The following CCDC148 variants were observed in gnomAD, a reference collection of about 807,000 sequenced individuals.
The protein encoded by CCDC148 is coiled-coil domain-containing protein 148.
In CCDC148, 89 loss-of-function variants were observed where a neutral mutation model predicts 85.7. That is an observed-to-expected ratio of 1.04 (90% CI 0.87 to 1.24). CCDC148 has a LOEUF of 1.24. Ranked by LOEUF, CCDC148 falls within the 50% of genes most tolerant of loss-of-function variation. The probability of loss-of-function intolerance (pLI) is 0.00; values close to 1 mark genes in which losing one functional copy is unlikely to be tolerated. For synonymous variants in CCDC148, 230 were observed against 213.9 expected (o/e 1.08, Z -0.66); for missense variants, 692 against 671.7 (o/e 1.03, Z -0.33).
intron 2 of CCDC148, among the ~76,000 whole-genome samples, chr2:158,347,910 A>G (rs1433503018): frequency 6.6e-6 from 1 of 152,110 alleles, no homozygotes; most frequent in Non-Finnish European, 1.5e-5. Flanking sequence ...AAATAAAAAG[A>G]AAAAACAACT....
intron 2 of CCDC148, among the ~76,000 whole-genome samples, chr2:158,356,332 C>G (rs1200757446): frequency 1.4e-5 from 2 of 143,696 alleles, no homozygotes; most frequent in Middle Eastern, 3.3e-3. Context: ...ACCTACTCAT[C>G]TGACAAAGGG....
intron 1 of CCDC148, among the ~76,000 whole-genome samples, chr2:158,387,336 C>G (rs1559113581): frequency 6.7e-6 from 1 of 150,106 alleles, no homozygotes; most frequent in Non-Finnish European, 1.5e-5. Flanking sequence ...ACACTGATAT[C>G]TCCAACTGCA....
At chr2:158,374,139 G>C (rs1301146384) in intron 1 of CCDC148, among the ~76,000 whole-genome samples, 1 of 151,992 alleles carries the variant, frequency 6.6e-6, no homozygotes, top group Non-Finnish European at 1.5e-5. Flanking sequence ...AAGTCAAAAT[G>C]GTCAGTAGAT....
intron 9 of CCDC148, among the ~76,000 whole-genome samples, chr2:158,264,274 A>G (rs1234195619): frequency 6.6e-6 from 1 of 152,088 alleles, no homozygotes; most frequent in East Asian, 1.9e-4. Flanking sequence ...ATAGCACAGA[A>G]TCAACAACTG....
intron 1 of CCDC148, among the ~76,000 whole-genome samples, chr2:158,401,656 C>T (rs114083969): frequency 0.011 from 1,687 of 152,026 alleles, 33 homozygotes; most frequent in African/African-American, 0.038. Flanking sequence ...CAAACCTGCA[C>T]ATTGTGCTCA....
At chr2:158,261,929 G>A (rs1277285305) in intron 9 of CCDC148, among the ~76,000 whole-genome samples, 1 of 152,074 alleles carries the variant, frequency 6.6e-6, no homozygotes, top group Non-Finnish European at 1.5e-5. Flanking sequence ...GTGTAAATTA[G>A]TTCAACCATT....
chr2:158,231,598 C>A (rs892886508), intron 10 of CCDC148, among the ~76,000 whole-genome samples: 1 of 152,158 alleles, frequency 6.6e-6, no homozygotes, highest in Non-Finnish European at 1.5e-5. Context: ...CTCCCTCTCC[C>A]TCTCCTCCAG....
At chr2:158,291,787 C>T (rs936436714) in intron 9 of CCDC148, among the ~76,000 whole-genome samples, 1 of 152,132 alleles carries the variant, frequency 6.6e-6, no homozygotes. Flanking sequence ...ATGTCTGGCA[C>T]AAGGTAGGTG....
chr2:158,406,614 T>TTTTTTTTTCTGTTTTTTTTTTTG lies in CCDC148; in HGVS notation c.26-48045_26-48044insCAAAAAAAAAAACAGAAAAAAAA. Among the ~76,000 whole-genome samples the TTTTTTTTTCTGTTTTTTTTTTTG allele has an allele frequency of 1.9e-4, 10 of 52,474 alleles. 1 individual carries two copies. The highest frequency in any genetic ancestry group is 2.6e-4 in the Non-Finnish European group (7 of 27,242). The allele number at this position is 52,474 out of a possible 152,430, so 34.4% of individuals were successfully genotyped here. A position where few individuals can be genotyped will look rare whatever the true frequency, so the allele number is the denominator to read the frequency against. ...CAGCCAGTTAAACAGATTAAATTTCTTTTTTTTTTTTTTTTTTTTTTTTTT... is the reference window on the plus strand; with the variant it reads ...CAGCCAGTTAAACAGATTAAATTTCTTTTTTTTTCTGTTTTTTTTTTTGTTTTTTTTTTTTTTTTTTTTTTTTT... On this transcript the variant is annotated intron_variant, in intron 1 of 13. Transcript: ENST00000283233.
At chr2:158,423,321 C>G (rs1181301598) in intron 1 of CCDC148, among the ~76,000 whole-genome samples, 2 of 152,168 alleles carry the variant, frequency 1.3e-5, no homozygotes, top group African/African-American at 4.8e-5. Context: ...TGCTACCTGA[C>G]TTCAAACTAT....
At chr2:158,255,993 T>C (rs1214168708) in intron 9 of CCDC148, among the ~76,000 whole-genome samples, 1 of 151,766 alleles carries the variant, frequency 6.6e-6, no homozygotes, top group African/African-American at 2.4e-5. Context: ...GTTAGTAGCA[T>C]TACATGTACT....
chr2:158,409,772 T>C (rs1197952587), intron 1 of CCDC148, among the ~76,000 whole-genome samples: 1 of 152,186 alleles, frequency 6.6e-6, no homozygotes, highest in Non-Finnish European at 1.5e-5. Context: ...TGATATGGTT[T>C]GGCTCTGTGT....
intron 9 of CCDC148, among the ~76,000 whole-genome samples, chr2:158,279,092 C>A (rs1690122584): frequency 6.6e-6 from 1 of 152,198 alleles, no homozygotes; most frequent in African/African-American, 2.4e-5. Context: ...GGAAAACTAA[C>A]AAACAGAAAG....
chr2:158,408,454 A>C (rs976362875), intron 1 of CCDC148, among the ~76,000 whole-genome samples: 3 of 152,090 alleles, frequency 2.0e-5, no homozygotes, highest in Admixed American at 6.6e-5. Flanking sequence ...ACTATTTTAA[A>C]TTCCACATAT....
chr2:158,440,417 A>G (rs1312657303), intron 1 of CCDC148, among the ~76,000 whole-genome samples: 1 of 152,090 alleles, frequency 6.6e-6, no homozygotes, highest in Non-Finnish European at 1.5e-5. Context: ...AACTGAAACA[A>G]CTCAAATGCC....
intron 2 of CCDC148, among the ~76,000 whole-genome samples, chr2:158,351,901 C>G (rs953636854): frequency 2.7e-5 from 4 of 149,320 alleles, no homozygotes; most frequent in African/African-American, 7.5e-5. Flanking sequence ...ACTGCCTCCT[C>G]AAGTGGGTCC....
intron 7 of CCDC148, among the ~76,000 whole-genome samples, chr2:158,321,259 T>C (rs1559068625): frequency 6.6e-6 from 1 of 152,118 alleles, no homozygotes; most frequent in East Asian, 1.9e-4. Flanking sequence ...AAAAATAAAA[T>C]CATGGTCCAC....
chr2:158,329,249 C>T (rs1165387945), intron 7 of CCDC148, among the ~76,000 whole-genome samples: 2 of 152,170 alleles, frequency 1.3e-5, no homozygotes, highest in Non-Finnish European at 2.9e-5. Flanking sequence ...CCAGTTTTCC[C>T]AGCACCATTT....
chr2:158,239,401 C>G (rs903192095), intron 10 of CCDC148, among the ~76,000 whole-genome samples: 1 of 148,294 alleles, frequency 6.7e-6, no homozygotes, highest in East Asian at 2.1e-4. Flanking sequence ...AAAAGATGCT[C>G]TAGTGGAAGT....
Sources: allele counts gnomAD v4.1 joint callset (sites outside exome capture counted in the v4.1 genomes callset), GRCh38; gene constraint gnomAD v4.1.1; transcripts MANE v1.5; gene names NCBI Gene and HGNC (gene_info 2026-07-23, HGNC 2026-07-21).